SORCS1: variants seen among roughly 807,000 people sequenced by gnomAD.
SORCS1 encodes sortilin related VPS10 domain containing receptor 1.
A neutral mutation model predicts 146.1 loss-of-function variants in SORCS1; 60 were observed. That is an observed-to-expected ratio of 0.41 (90% CI 0.33 to 0.51). The LOEUF (loss-of-function observed/expected upper bound fraction) is 0.51, where lower values mean the gene tolerates loss of function less well. SORCS1 is among the 20% of genes least tolerant of loss of function. The pLI is 0.21. For missense variants in SORCS1, 1,352 were observed against 1,487.6 expected (o/e 0.91, Z 1.50); for synonymous variants, 637 against 584.0 (o/e 1.09, Z -1.31).
At chr10:106,615,416 G>A (rs1211421061) in intron 21 of SORCS1, among the ~76,000 whole-genome samples, 4 of 152,146 alleles carry the variant, frequency 2.6e-5, no homozygotes, top group South Asian at 2.1e-4. Flanking sequence ...TAACCCCAGC[G>A]TTTACAAATC....
intron 5 of SORCS1, among the ~76,000 whole-genome samples, chr10:106,755,006 T>G (rs891489524): frequency 1.3e-5 from 2 of 152,246 alleles, no homozygotes; most frequent in African/African-American, 4.8e-5. Context: ...ATTAATAGGT[T>G]GCTGAAGAGT....
At chr10:106,647,031 ATATATAT>A (rs1400567530) in intron 18 of SORCS1, among the ~76,000 whole-genome samples, 2 of 143,090 alleles carry the variant, frequency 1.4e-5, no homozygotes, top group African/African-American at 5.1e-5. Context: ...ATATATATAT[ATATATAT>A]ATATGGTAAT....
intron 1 of SORCS1, among the ~76,000 whole-genome samples, chr10:107,080,900 G>C: frequency 6.6e-6 from 1 of 151,968 alleles, no homozygotes; most frequent in East Asian, 1.9e-4. Context: ...TTTCTATTCT[G>C]CATTTTCTGT....
chr10:107,172,838 G>A, the SORCS1 span, among the ~76,000 whole-genome samples: 1 of 152,142 alleles, frequency 6.6e-6, no homozygotes, highest in Non-Finnish European at 1.5e-5. Context: ...ATCATCAACT[G>A]AAAATGTTCC....
chr10:107,036,306 A>G (rs1353730700), intron 1 of SORCS1, among the ~76,000 whole-genome samples: 1 of 152,196 alleles, frequency 6.6e-6, no homozygotes, highest in Non-Finnish European at 1.5e-5. Context: ...TGTAATGTGT[A>G]TAGGTTTTAT....
intron 1 of SORCS1, among the ~76,000 whole-genome samples, chr10:106,959,380 C>A (rs534104571): frequency 6.6e-6 from 1 of 152,164 alleles, no homozygotes; most frequent in Non-Finnish European, 1.5e-5. Flanking sequence ...AGTTTTCAAT[C>A]GATTATTTGA....
chr10:106,781,082 G>A (rs1860857710), intron 3 of SORCS1, among the ~76,000 whole-genome samples: 1 of 151,998 alleles, frequency 6.6e-6, no homozygotes, highest in East Asian at 1.9e-4. Flanking sequence ...TATGGCTACA[G>A]GAAGTAATTC....
intron 1 of SORCS1, among the ~76,000 whole-genome samples, chr10:106,972,405 A>T (rs1177646624): frequency 1.3e-5 from 2 of 151,306 alleles, no homozygotes; most frequent in African/African-American, 4.9e-5. Context: ...AAAAAATTAG[A>T]ATTCCCCTTC....
At chr10:106,971,796 A>G (rs1955798598) in intron 1 of SORCS1, among the ~76,000 whole-genome samples, 1 of 152,196 alleles carries the variant, frequency 6.6e-6, no homozygotes, top group Non-Finnish European at 1.5e-5. Flanking sequence ...TCTATCTAGG[A>G]AAAGACAGCC....
intron 13 of SORCS1, 69 bp from the exon 14 acceptor site, chr10:106,675,225 T>C: frequency 4.3e-6 from 5 of 1,162,342 alleles, no homozygotes; most frequent in South Asian, 3.9e-5. Flanking sequence ...AAAGGAAAGA[T>C]ACTCTCAACC....
intron 1 of SORCS1, among the ~76,000 whole-genome samples, chr10:107,002,558 C>A (rs1957264452): frequency 6.6e-6 from 1 of 152,162 alleles, no homozygotes; most frequent in Admixed American, 6.5e-5. Context: ...CTATAGCTCC[C>A]AAAACCTGGG....
At chr10:107,157,650 T>G (rs1204744497) in intron 1 of SORCS1, among the ~76,000 whole-genome samples, 1 of 152,234 alleles carries the variant, frequency 6.6e-6, no homozygotes, top group Non-Finnish European at 1.5e-5. Context: ...CGACAGAGCA[T>G]CCACGTCCTT....
chr10:106,748,570 C>A (rs1234398814), intron 5 of SORCS1, among the ~76,000 whole-genome samples: 1 of 151,974 alleles, frequency 6.6e-6, no homozygotes, highest in Non-Finnish European at 1.5e-5. Context: ...GGAACGAAAC[C>A]CACAATATAT....
chr10:106,958,192 T>C (rs1352777756), intron 1 of SORCS1, among the ~76,000 whole-genome samples: 1 of 152,244 alleles, frequency 6.6e-6, no homozygotes, highest in African/African-American at 2.4e-5. Context: ...TTGCTCTTCT[T>C]ACATAAGGGA....
At chr10:106,829,445 C>T in intron 3 of SORCS1, 129 bp downstream of exon 3, 2 of 620,592 alleles carry the variant, frequency 3.2e-6, no homozygotes, top group Non-Finnish European at 5.8e-6. Flanking sequence ...ATCTTAACAT[C>T]CATCAACCCA....
intron 2 of SORCS1, among the ~76,000 whole-genome samples, chr10:106,850,235 G>A (rs1013311426): frequency 2.0e-5 from 3 of 152,060 alleles, no homozygotes; most frequent in African/African-American, 7.2e-5. Context: ...AGCAATCAGC[G>A]AGACTCCGTG....
chr10:106,806,034 T>C (rs534534082), intron 3 of SORCS1, among the ~76,000 whole-genome samples: 2 of 125,194 alleles, frequency 1.6e-5, no homozygotes. Flanking sequence ...CACTCTAGCC[T>C]GGACGACAGA....
At chr10:106,579,106 CCACCTTCT>C (rs757458879) in intron 25 of SORCS1, 4 of 1,613,970 alleles carry the variant, frequency 2.5e-6, no homozygotes, top group Non-Finnish European at 3.4e-6. Flanking sequence ...AGCTGGGATT[CCACCTTCT>C]CATCTATAAG....
At chr10:106,779,553 T>A (rs898685447) in intron 3 of SORCS1, among the ~76,000 whole-genome samples, 2 of 150,594 alleles carry the variant, frequency 1.3e-5, no homozygotes, top group African/African-American at 4.9e-5. Flanking sequence ...CCATATTTTT[T>A]TTTTTTTTTT....
Sources: gnomAD v4.1 joint callset for allele counts (sites outside exome capture counted in the v4.1 genomes callset) on GRCh38, gnomAD v4.1.1 for gene constraint, MANE v1.5 for transcripts, NCBI Gene and HGNC (gene_info 2026-07-23, HGNC 2026-07-21) for gene names.